Variants in CFAP299 observed in about 807,000 individuals in gnomAD.
CFAP299 encodes cilia and flagella associated protein 299.
A neutral mutation model predicts 27.0 loss-of-function variants in CFAP299; 21 were observed. That is an observed-to-expected ratio of 0.78 (90% CI 0.55 to 1.12). The LOEUF is 1.12. CFAP299 is among the 50% of genes most tolerant of loss of function. The pLI, the probability that CFAP299 is intolerant of heterozygous loss-of-function variation, is 0.00. For missense variants in CFAP299, 310 were observed against 276.6 expected, an observed-to-expected ratio of 1.12 and a Z score of -0.86; for synonymous variants, 104 against 98.1, an observed-to-expected ratio of 1.06 and a Z score of -0.36.
chr4:80,631,734 A>G (rs550652296), intron 3 of CFAP299, among the ~76,000 whole-genome samples: 1 of 151,774 alleles, frequency 6.6e-6, no homozygotes, highest in Non-Finnish European at 1.5e-5. Flanking sequence ...CTATGTCATC[A>G]TGTTTTGTGA....
chr4:80,475,798 G>A (rs892945217), intron 2 of CFAP299, among the ~76,000 whole-genome samples: 1 of 152,146 alleles, frequency 6.6e-6, no homozygotes, highest in Non-Finnish European at 1.5e-5. Flanking sequence ...GAACCCCTAA[G>A]GAGAGAGGCT....
the CFAP299 span, among the ~76,000 whole-genome samples, chr4:80,329,157 A>T: frequency 6.7e-6 from 1 of 149,970 alleles, no homozygotes; most frequent in Admixed American, 6.6e-5. Context: ...TCTTCTTCCA[A>T]TGTGGCCCAG....
At chr4:80,752,445 C>T (rs1724990263) in intron 3 of CFAP299, among the ~76,000 whole-genome samples, 1 of 144,986 alleles carries the variant, frequency 6.9e-6, no homozygotes, top group Non-Finnish European at 1.5e-5. Flanking sequence ...TATATATATA[C>T]TATATATATA....
chr4:80,860,240 G>A (rs1032200299), intron 3 of CFAP299, among the ~76,000 whole-genome samples: 5 of 152,144 alleles, frequency 3.3e-5, no homozygotes, highest in Admixed American at 6.5e-5. Flanking sequence ...CGTAGTTCTC[G>A]AGCCTTGGCT....
intron 4 of CFAP299, among the ~76,000 whole-genome samples, chr4:80,937,921 T>C (rs1436136139): frequency 1.3e-5 from 2 of 152,172 alleles, no homozygotes; most frequent in Non-Finnish European, 2.9e-5. Context: ...TTTGTATGAC[T>C]ACAATGAGGC....
intron 3 of CFAP299, among the ~76,000 whole-genome samples, chr4:80,602,471 A>G (rs1187365078): frequency 6.6e-6 from 1 of 152,190 alleles, no homozygotes; most frequent in African/African-American, 2.4e-5. Context: ...TCCAAAGTTC[A>G]AGAGAACTAA....
At chr4:80,531,345 A>G (rs550110518) in intron 2 of CFAP299, among the ~76,000 whole-genome samples, 1 of 152,308 alleles carries the variant, frequency 6.6e-6, no homozygotes, top group South Asian at 2.1e-4. Context: ...ATTTTGTGTT[A>G]GTGTATAGTG....
intron 2 of CFAP299, among the ~76,000 whole-genome samples, chr4:80,379,959 G>A (rs1427768809): frequency 1.3e-5 from 2 of 152,028 alleles, no homozygotes; most frequent in African/African-American, 4.8e-5. Flanking sequence ...TATCCTTACT[G>A]ATTTCCTGTC....
intron 4 of CFAP299, chr4:80,871,768 A>G (rs995792995): frequency 6.9e-6 from 3 of 434,906 alleles, no homozygotes; most frequent in Non-Finnish European, 9.2e-6. Flanking sequence ...TACCATTTTT[A>G]AAGAAAACAT....
chr4:80,380,145 T>C (rs938725560), intron 2 of CFAP299, among the ~76,000 whole-genome samples: 4 of 152,180 alleles, frequency 2.6e-5, no homozygotes, highest in Admixed American at 2.0e-4. Flanking sequence ...AGCTATATCA[T>C]TGTTCAATAT....
At chr4:80,387,476 T>C in intron 2 of CFAP299, 1 of 814,140 alleles carries the variant, frequency 1.2e-6, no homozygotes, top group South Asian at 1.5e-5. Context: ...GCTTGCCCCT[T>C]GCTATCGCTG....
chr4:80,369,260 T>C (rs1358810876), intron 2 of CFAP299, among the ~76,000 whole-genome samples: 1 of 152,218 alleles, frequency 6.6e-6, no homozygotes. Context: ...CATACAGATC[T>C]ACTTCATGCG....
intron 2 of CFAP299, among the ~76,000 whole-genome samples, chr4:80,386,003 A>T (rs1445845379): frequency 6.6e-6 from 1 of 152,224 alleles, no homozygotes; most frequent in African/African-American, 2.4e-5. Context: ...TTCCAGCAGG[A>T]GAGGGGACAC....
chr4:80,663,294 A>C (rs1740961802), intron 3 of CFAP299, among the ~76,000 whole-genome samples: 2 of 149,950 alleles, frequency 1.3e-5, no homozygotes, highest in African/African-American at 2.5e-5. Context: ...CTAGTCCCCC[A>C]CCCCCTGACA....
intron 3 of CFAP299, among the ~76,000 whole-genome samples, chr4:80,824,126 A>G (rs1182417650): frequency 6.6e-6 from 1 of 152,200 alleles, no homozygotes; most frequent in African/African-American, 2.4e-5. Context: ...AGGAAGCACC[A>G]GGAATCTGTC....
chr4:80,614,326 G>A (rs1029117369), intron 3 of CFAP299, among the ~76,000 whole-genome samples: 1 of 152,184 alleles, frequency 6.6e-6, no homozygotes, highest in Non-Finnish European at 1.5e-5. Flanking sequence ...GTGAATTTGT[G>A]TGACTAATAA....
chr4:80,404,259 C>A (rs1404625121), intron 2 of CFAP299, among the ~76,000 whole-genome samples: 1 of 151,566 alleles, frequency 6.6e-6, no homozygotes, highest in African/African-American at 2.4e-5. Context: ...CAATATAATT[C>A]CTATTTTTTA....
chr4:80,491,896 T>C (rs1160177507), intron 2 of CFAP299, among the ~76,000 whole-genome samples: 2 of 152,210 alleles, frequency 1.3e-5, no homozygotes, highest in Non-Finnish European at 2.9e-5. Flanking sequence ...AGCTAAATCT[T>C]CTTCTTCCAG....
chr4:80,904,525 A>AT (rs998401205), intron 4 of CFAP299, among the ~76,000 whole-genome samples: 4 of 149,956 alleles, frequency 2.7e-5, no homozygotes, highest in South Asian at 2.1e-4. Flanking sequence ...TTTCCTCTTT[A>AT]TTTTTTTTTC....
Sources: gnomAD v4.1 joint callset for allele counts (sites outside exome capture counted in the v4.1 genomes callset) on GRCh38, gnomAD v4.1.1 for gene constraint, MANE v1.5 for transcripts, NCBI Gene and HGNC (gene_info 2026-07-23, HGNC 2026-07-21) for gene names.